The following CNOT9 variants were observed in gnomAD, a reference collection of about 807,000 sequenced individuals.
The protein encoded by CNOT9 is RCD1 required for cell differentiation1 homolog.
In CNOT9, 8 loss-of-function variants were observed where a neutral mutation model predicts 37.4. That is an observed-to-expected ratio of 0.21 (90% CI 0.13 to 0.39). The LOEUF (loss-of-function observed/expected upper bound fraction) is 0.39, where lower values mean the gene tolerates loss of function less well. CNOT9 is among the 10% of genes least tolerant of loss of function. The pLI is 1.00. For synonymous variants in CNOT9, 120 were observed against 137.6 expected, an observed-to-expected ratio of 0.87 and a Z score of 0.90; for missense variants, 154 against 365.3, an observed-to-expected ratio of 0.42 and a Z score of 4.71.
At chr2:218,573,178 C>T (rs1006636402) in intron 1 of CNOT9, among the ~76,000 whole-genome samples, 2 of 152,010 alleles carry the variant, frequency 1.3e-5, no homozygotes, top group Non-Finnish European at 2.9e-5. Flanking sequence ...ATTAGCCTGG[C>T]GTCATGGCAT....
rs1694541228 is a variant in CNOT9, at chr2:218,585,057, C to T, written c.430+336C>T. ...GAATAAGAGTTTAAATTTGGGACTT[C>T]TCCTCTTCCCTTCTCTCTTCTCTTC... is the stretch of plus-strand genomic sequence containing the variant. On this transcript the variant is annotated intron_variant, in intron 4 of 7. Transcript: ENST00000273064. 2.0e-5 allele frequency among the ~76,000 whole-genome samples: 3 copies of T among 152,014 alleles called. No homozygotes were observed. In the South Asian group the frequency reaches 6.2e-4, roughly 31 times the overall value.
At chr2:218,572,257 G>T (rs922020765) in intron 1 of CNOT9, among the ~76,000 whole-genome samples, 3 of 152,098 alleles carry the variant, frequency 2.0e-5, no homozygotes, top group Non-Finnish European at 4.4e-5. Context: ...GGATGTGGAG[G>T]TTGCAGTGAG....
At chr2:218,572,848 C>G (rs1384904961) in intron 1 of CNOT9, 1 of 263,936 alleles carries the variant, frequency 3.8e-6, no homozygotes, top group Non-Finnish European at 5.9e-6. Flanking sequence ...TATTTTACAT[C>G]TTTTTATTGA....
intron 5 of CNOT9, among the ~76,000 whole-genome samples, chr2:218,587,949 T>TTTTTTTTAATTTTTTA: frequency 6.6e-6 from 1 of 152,328 alleles, no homozygotes; most frequent in Non-Finnish European, 1.5e-5. Flanking sequence ...ACGGTTTCAT[T>TTTTTTTTAATTTTTTA]TTTTTAATTT....
chr2:218,582,947 C>T lies in CNOT9; in HGVS notation c.205-24C>T, dbSNP rs1336957119. On this transcript the variant is annotated intron_variant, in intron 2 of 7. Transcript: ENST00000273064. ...TAATTTTTAGTTATTCCTTATTCAT[C>T]TGATGCTGATTTCCATTTTTTAGGA... 7 of 1,284,116 alleles carry T rather than the reference C, an allele frequency of 5.5e-6. No homozygotes were observed. The African/African-American group carries it at 5.9e-5, about 11-fold the overall frequency. The allele number at this position is 1,284,116 out of a possible 1,614,324, so 79.5% of individuals were successfully genotyped here.
At chr2:218,570,533 T>C (rs1460767001) in intron 1 of CNOT9, among the ~76,000 whole-genome samples, 1 of 152,196 alleles carries the variant, frequency 6.6e-6, no homozygotes, top group Non-Finnish European at 1.5e-5. Context: ...AGCTTTTTTG[T>C]TCCTTCTCCC....
intron 2 of CNOT9, among the ~76,000 whole-genome samples, chr2:218,582,062 C>T (rs1289146289): frequency 6.7e-6 from 1 of 150,274 alleles, no homozygotes; most frequent in Non-Finnish European, 1.5e-5. Context: ...GCCTGGATGA[C>T]AGAGTGAGAC....
In CNOT9 at chr2:218,596,994, T is replaced by C. The variant is rs1488798370; in HGVS notation, c.*2718T>C. The C allele has an allele frequency of 6.6e-6, 1 of 152,146 alleles. No homozygotes were observed. The highest frequency in any genetic ancestry group is 6.5e-5 in the Admixed American group (1 of 15,282). The allele number at this position is 152,146 out of a possible 1,614,324, so 9.4% of individuals were successfully genotyped here. On this transcript the variant is annotated 3_prime_UTR_variant, in exon 8 of 8. Coordinates refer to ENST00000273064, the MANE Select transcript of CNOT9 (RefSeq NM_005444.3). Reference sequence around the variant, plus strand: ...CATGCCTTGCTTACTAACTACATATTATTCCTCTGCTCATTGTTCCTGCTG... The same window carrying C: ...CATGCCTTGCTTACTAACTACATATCATTCCTCTGCTCATTGTTCCTGCTG...
intron 1 of CNOT9, among the ~76,000 whole-genome samples, chr2:218,575,280 C>T (rs898153796): frequency 6.6e-6 from 1 of 152,072 alleles, no homozygotes. Context: ...GGATACATTG[C>T]AGGAACTCTG....
chr2:218,568,844 G>A lies in CNOT9; in HGVS notation c.-111G>A. 4 of 1,284,358 alleles carry A rather than the reference G, an allele frequency of 3.1e-6. No individual in the cohort carries two copies. The Admixed American group carries it at 8.6e-5, about 27-fold the overall frequency. 79.6% of individuals were successfully genotyped at this position (1,284,358 alleles called of 1,614,324 possible). On this transcript the variant is annotated 5_prime_UTR_variant, in exon 1 of 8. Transcript: ENST00000273064. ...GGCCGCGAAGTGGGCGGAGCGAGCCGGAGTCGGATGGCGGCTACGGCGGCT... is the reference window on the plus strand; with the variant it reads ...GGCCGCGAAGTGGGCGGAGCGAGCCAGAGTCGGATGGCGGCTACGGCGGCT...
At chr2:218,570,825 A>G (rs996721065) in intron 1 of CNOT9, among the ~76,000 whole-genome samples, 7 of 152,180 alleles carry the variant, frequency 4.6e-5, no homozygotes, top group African/African-American at 1.7e-4. Flanking sequence ...TACTCAATAC[A>G]TGTTTCTTCA....
chr2:218,594,990 C>G lies in CNOT9; in HGVS notation c.*714C>G, dbSNP rs912080624. The G allele has an allele frequency of 6.6e-6, 1 of 152,208 alleles. No individual in the cohort carries two copies. Among genetic ancestry groups the G allele is most frequent in the Non-Finnish European group, 1.5e-5 (1 of 68,050 alleles). The allele number at this position is 152,208 out of a possible 1,614,324, so 9.4% of individuals were successfully genotyped here. ...TACAGCAGGAACCCACCACCTGTTTCCCTTCCTTCTCCCATTCTACTCCCA... is the reference window on the plus strand; with the variant it reads ...TACAGCAGGAACCCACCACCTGTTTGCCTTCCTTCTCCCATTCTACTCCCA... On this transcript the variant is annotated 3_prime_UTR_variant, in exon 8 of 8. Transcript: ENST00000273064.
intron 4 of CNOT9, 119 bp from the exon 5 acceptor site, chr2:218,587,467 C>A: frequency 7.6e-7 from 1 of 1,307,818 alleles, no homozygotes; most frequent in Non-Finnish European, 9.8e-7. Flanking sequence ...ATTCCTTTAA[C>A]AAACCCCAGT....
intron 2 of CNOT9, among the ~76,000 whole-genome samples, chr2:218,581,958 T>C (rs983354369): frequency 9.2e-5 from 14 of 152,048 alleles, no homozygotes; most frequent in African/African-American, 2.9e-4. Context: ...GGTACACTCC[T>C]GTAATCCCAG....
chr2:218,588,974 TG>T (rs1559249927), intron 5 of CNOT9, among the ~76,000 whole-genome samples: 1 of 152,112 alleles, frequency 6.6e-6, no homozygotes. Flanking sequence ...ACATCAGTTA[TG>T]CTCTATTATC....
chr2:218,585,430 G>T (rs957408934), intron 4 of CNOT9, among the ~76,000 whole-genome samples: 1 of 151,318 alleles, frequency 6.6e-6, no homozygotes, highest in Middle Eastern at 3.4e-3. Flanking sequence ...AAAATCAGCC[G>T]GGCGTGGTGG....
In CNOT9 at chr2:218,595,450, CTA is replaced by C. The variant is rs1694903603; in HGVS notation, c.*1176_*1177del. On this transcript the variant is annotated 3_prime_UTR_variant, in exon 8 of 8. Coordinates refer to ENST00000273064, the MANE Select transcript of CNOT9 (RefSeq NM_005444.3). ...TTTTTTTTGACCATTCTCTTTTAGT[CTA>C]TGGGAATTACAGGGTTGCCGCTAAA... 1 of 51,412 alleles carries C rather than the reference CTA, an allele frequency of 1.9e-5. No individual in the cohort carries two copies. The highest frequency in any genetic ancestry group is 7.9e-4 in the South Asian group (1 of 1,258). The allele number at this position is 51,412 out of a possible 1,614,324, so 3.2% of individuals were successfully genotyped here.
chr2:218,585,070 C>CTCTCT (rs554142256), intron 4 of CNOT9, among the ~76,000 whole-genome samples: 47 of 152,106 alleles, frequency 3.1e-4, no homozygotes, highest in South Asian at 8.3e-4. Flanking sequence ...CTCTTCCCTT[C>CTCTCT]TCTCTTCTCT....
intron 1 of CNOT9, among the ~76,000 whole-genome samples, chr2:218,574,500 T>C (rs553674366): frequency 6.6e-6 from 1 of 152,294 alleles, no homozygotes; most frequent in South Asian, 2.1e-4. Flanking sequence ...AGTAATTTCT[T>C]CAACTTGGAG....
Sources: allele counts gnomAD v4.1 joint callset (sites outside exome capture counted in the v4.1 genomes callset), GRCh38; gene constraint gnomAD v4.1.1; transcripts MANE v1.5; gene names NCBI Gene and HGNC (gene_info 2026-07-23, HGNC 2026-07-21).